The following PTPRD variants were observed in gnomAD, a reference collection of about 807,000 sequenced individuals.
PTPRD encodes the protein receptor-type tyrosine-protein phosphatase delta.
PTPRD carries 34 observed loss-of-function variants against 214.5 expected under a neutral mutation model. The observed-to-expected ratio is 0.16, with a 90% CI of 0.12 to 0.21. PTPRD has a LOEUF of 0.21. Ranked by LOEUF, PTPRD falls within the 10% of genes least tolerant of loss-of-function variation. PTPRD has a pLI of 1.00. For missense variants in PTPRD, 2,545 were observed against 2,398.7 expected, an observed-to-expected ratio of 1.06 and a Z score of -1.27; for synonymous variants, 1,128 against 845.7, an observed-to-expected ratio of 1.33 and a Z score of -5.79.
chr9:10,432,490 A>G (rs1335113588), intron 2 of PTPRD, among the ~76,000 whole-genome samples: 1 of 151,906 alleles, frequency 6.6e-6, no homozygotes, highest in Non-Finnish European at 1.5e-5. Context: ...AATTTATCCT[A>G]GTTTTTCTCC....
chr9:8,839,569 C>A (rs544061278), intron 11 of PTPRD, among the ~76,000 whole-genome samples: 28 of 152,290 alleles, frequency 1.8e-4, no homozygotes, highest in Middle Eastern at 3.4e-3. Context: ...AAGTGATCCA[C>A]CCACCTTGGC....
chr9:10,209,619 T>C (rs549621460), intron 3 of PTPRD, among the ~76,000 whole-genome samples: 3 of 152,188 alleles, frequency 2.0e-5, no homozygotes, highest in Admixed American at 1.3e-4. Context: ...CCTGACTTTA[T>C]TTTTTATACT....
intron 4 of PTPRD, among the ~76,000 whole-genome samples, chr9:9,965,873 T>C (rs2094655924): frequency 6.6e-6 from 1 of 152,234 alleles, no homozygotes; most frequent in African/African-American, 2.4e-5. Context: ...CACTATTTGT[T>C]TATGCATATT....
intron 9 of PTPRD, among the ~76,000 whole-genome samples, chr9:9,191,567 C>G (rs1356463096): frequency 6.6e-6 from 1 of 152,012 alleles, no homozygotes; most frequent in African/African-American, 2.4e-5. Context: ...ATGAGTATTT[C>G]CCTATCTAAG....
At chr9:9,894,369 T>G (rs570520716) in intron 5 of PTPRD, among the ~76,000 whole-genome samples, 1 of 152,126 alleles carries the variant, frequency 6.6e-6, no homozygotes, top group African/African-American at 2.4e-5. Context: ...AGGCCCTGTG[T>G]GATCTTTCTA....
At chr9:9,077,133 C>A (rs2099752369) in intron 10 of PTPRD, among the ~76,000 whole-genome samples, 1 of 144,658 alleles carries the variant, frequency 6.9e-6, no homozygotes, top group South Asian at 2.2e-4. Flanking sequence ...TCGTTTTGCC[C>A]ATTTTAAAAT....
At chr9:9,815,498 G>A (rs1343691733) in intron 5 of PTPRD, among the ~76,000 whole-genome samples, 1 of 151,768 alleles carries the variant, frequency 6.6e-6, no homozygotes, top group Non-Finnish European at 1.5e-5. Flanking sequence ...GTCAACAAAA[G>A]CAAAAATAAA....
At chr9:9,771,812 A>G in intron 5 of PTPRD, among the ~76,000 whole-genome samples, 1 of 152,166 alleles carries the variant, frequency 6.6e-6, no homozygotes. Flanking sequence ...ATGTCTTTGT[A>G]TCTGCTTAAA....
At chr9:8,972,793 G>A (rs542022063) in intron 11 of PTPRD, among the ~76,000 whole-genome samples, 2 of 151,878 alleles carry the variant, frequency 1.3e-5, no homozygotes, top group South Asian at 4.2e-4. Context: ...TTTAATGAAT[G>A]GAAATCTACC....
At chr9:9,739,808 C>T (rs2098370846) in intron 6 of PTPRD, among the ~76,000 whole-genome samples, 1 of 150,722 alleles carries the variant, frequency 6.6e-6, no homozygotes, top group African/African-American at 2.4e-5. Flanking sequence ...TATTTTTCTG[C>T]CTTTTTCTCT....
intron 11 of PTPRD, among the ~76,000 whole-genome samples, chr9:8,741,108 G>T (rs7861953): frequency 0.03 from 4,556 of 152,038 alleles, 131 homozygotes; most frequent in African/African-American, 0.077. Flanking sequence ...ATAAATATTA[G>T]TTATTTTCAA....
chr9:8,520,979 T>C (rs2097879814), intron 20 of PTPRD, among the ~76,000 whole-genome samples: 1 of 152,110 alleles, frequency 6.6e-6, no homozygotes. Context: ...AGTCCCACCA[T>C]AATGGTCGAC....
At chr9:10,075,810 T>A (rs2098123562) in intron 3 of PTPRD, among the ~76,000 whole-genome samples, 1 of 152,098 alleles carries the variant, frequency 6.6e-6, no homozygotes, top group East Asian at 1.9e-4. Context: ...ATTTTTCAAA[T>A]AACCAAGGGC....
chr9:8,741,070 A>G (rs1196104235), intron 11 of PTPRD, among the ~76,000 whole-genome samples: 4 of 152,208 alleles, frequency 2.6e-5, no homozygotes, highest in African/African-American at 9.6e-5. Context: ...CCTGTAAGAT[A>G]TCAAGTGGCT....
At chr9:8,705,961 T>G (rs1173203055) in intron 12 of PTPRD, among the ~76,000 whole-genome samples, 1 of 152,180 alleles carries the variant, frequency 6.6e-6, no homozygotes, top group African/African-American at 2.4e-5. Flanking sequence ...CAGCACTGTA[T>G]CCATATGTGT....
chr9:9,351,619 G>C (rs994050213), intron 9 of PTPRD, among the ~76,000 whole-genome samples: 4 of 151,952 alleles, frequency 2.6e-5, no homozygotes, highest in Non-Finnish European at 1.5e-5. Flanking sequence ...AAACCAAGAA[G>C]CCTTGGAAAG....
chr9:9,790,242 G>C (rs928151768), intron 5 of PTPRD, among the ~76,000 whole-genome samples: 2 of 152,108 alleles, frequency 1.3e-5, no homozygotes, highest in Non-Finnish European at 2.9e-5. Context: ...TTGGACATTG[G>C]ACAATTTTTC....
At chr9:9,637,610 T>G (rs2095813109) in intron 7 of PTPRD, among the ~76,000 whole-genome samples, 1 of 152,244 alleles carries the variant, frequency 6.6e-6, no homozygotes, top group South Asian at 2.1e-4. Flanking sequence ...CTTTTCTGGG[T>G]GCAGACCATG....
intron 9 of PTPRD, among the ~76,000 whole-genome samples, chr9:9,342,215 T>C (rs556190891): frequency 6.6e-6 from 1 of 152,314 alleles, no homozygotes; most frequent in African/African-American, 2.4e-5. Flanking sequence ...CAAGTGATAT[T>C]CAAGCAATAC....
Sources: allele counts gnomAD v4.1 joint callset (sites outside exome capture counted in the v4.1 genomes callset), GRCh38; gene constraint gnomAD v4.1.1; transcripts MANE v1.5; gene names NCBI Gene and HGNC (gene_info 2026-07-23, HGNC 2026-07-21).